The following CPS1 variants were observed in gnomAD, a reference collection of about 807,000 sequenced individuals.
The protein encoded by CPS1 is carbamoyl-phosphate synthase [ammonia], mitochondrial.
A neutral mutation model predicts 174.6 loss-of-function variants in CPS1; 109 were observed. The ratio of observed to expected loss-of-function variants is 0.62; its 90% confidence interval spans 0.53 to 0.73. The LOEUF (loss-of-function observed/expected upper bound fraction) is 0.73, where lower values mean the gene tolerates loss of function less well. CPS1 is among the 30% of genes least tolerant of loss of function. The pLI, the probability that CPS1 is intolerant of heterozygous loss-of-function variation, is 0.00. For missense variants in CPS1, 1,689 were observed against 1,821.9 expected (o/e 0.93, Z 1.33); for synonymous variants, 637 against 632.0 (o/e 1.01, Z -0.12).
chr2:210,635,111 C>T (rs1700004175), intron 21 of CPS1, among the ~76,000 whole-genome samples: 1 of 151,922 alleles, frequency 6.6e-6, no homozygotes, highest in South Asian at 2.1e-4. Context: ...GCCCAGCTAG[C>T]TTTTTGTATT....
chr2:210,540,247 C>G (rs192786151), intron 1 of CPS1, among the ~76,000 whole-genome samples: 21 of 152,150 alleles, frequency 1.4e-4, no homozygotes, highest in Admixed American at 3.9e-4. Flanking sequence ...TTTTCTTTCT[C>G]TTTGCCTTCC....
In CPS1 at chr2:210,612,178, C is replaced by T. The variant is rs138718997; in HGVS notation, c.2453C>T (p.Pro818Leu). Reference protein sequence around the residue: ...SFQKALRMCHPSIEGFTPRLP... With the variant: ...SFQKALRMCHLSIEGFTPRLP... ...CAGAAAGCTTTACGGATGTGCCACC[C>T]ATCTATAGAAGGTTTCACTCCCCGT... Residue 818 changes from proline (P) to leucine (L), a missense_variant, in exon 20 of 38, where the codon CCA becomes CTA. Coordinates refer to ENST00000233072, the MANE Select transcript of CPS1 (RefSeq NM_001875.5). 1.1e-5 allele frequency: 17 copies of T among 1,612,056 alleles called. No homozygotes were observed. In the African/African-American group the frequency reaches 2.3e-4, roughly 22 times the overall value.
At chr2:210,551,769 G>A (rs1008325382), upstream of CPS1, among the ~76,000 whole-genome samples, 2 of 151,880 alleles carry the variant, frequency 1.3e-5, no homozygotes, top group Admixed American at 1.3e-4. Flanking sequence ...ATGCCAATTG[G>A]ATCTTAATGA....
chr2:210,575,728 T>G (rs555022231), intron 2 of CPS1, among the ~76,000 whole-genome samples: 1 of 152,116 alleles, frequency 6.6e-6, no homozygotes, highest in Admixed American at 6.6e-5. Flanking sequence ...CAAACTTATA[T>G]GCTTCTTTCT....
intron 1 of CPS1, among the ~76,000 whole-genome samples, chr2:210,480,126 T>A (rs868150870): frequency 6.6e-6 from 1 of 152,306 alleles, no homozygotes; most frequent in South Asian, 2.1e-4. Context: ...GATCACAGAT[T>A]CCTTCCATCT....
At chr2:210,497,381 AT>A (rs1009073694) in intron 1 of CPS1, among the ~76,000 whole-genome samples, 20 of 152,210 alleles carry the variant, frequency 1.3e-4, no homozygotes, top group African/African-American at 4.8e-4. Context: ...CTTTATTTTT[AT>A]TTAATTTTTT....
Position 210,677,067 on chromosome 2 carries a change from T to C in CPS1, c.4335T>C (p.Phe1445=), listed in dbSNP as rs775733929. The C allele has an allele frequency of 6.2e-7, 1 of 1,613,588 alleles. No individual in the cohort carries two copies. The highest frequency in any genetic ancestry group is 1.1e-5 in the South Asian group (1 of 91,064). The change falls in exon 37 of 38, where the codon TTT becomes TTC. Residue 1445 remains phenylalanine (F), a synonymous_variant. Transcript: ENST00000233072. Reference sequence around the variant, plus strand: ...ACCTTCCCAACAACAACACTAAATTTGTCCATGATAATTATGTGATTCGGA... The same window carrying C: ...ACCTTCCCAACAACAACACTAAATTCGTCCATGATAATTATGTGATTCGGA... ...VINLPNNNTK[F]VHDNYVIRRT...
chr2:210,574,887 T>G (rs560687889), intron 2 of CPS1, among the ~76,000 whole-genome samples: 1 of 152,120 alleles, frequency 6.6e-6, no homozygotes, highest in East Asian at 1.9e-4. Flanking sequence ...TTTTTTTTGA[T>G]GTAGGAAAAG....
At chr2:210,580,001 C>G (rs1366592817) in intron 5 of CPS1, among the ~76,000 whole-genome samples, 1 of 152,118 alleles carries the variant, frequency 6.6e-6, no homozygotes, top group Admixed American at 6.6e-5. Flanking sequence ...GATTCATTCA[C>G]CTGGCAGCTT....
chr2:210,640,970 A>C (rs1199590214), intron 24 of CPS1, among the ~76,000 whole-genome samples: 1 of 152,190 alleles, frequency 6.6e-6, no homozygotes, highest in South Asian at 2.1e-4. Context: ...GTCCAAAATC[A>C]AGTGCCAGGA....
chr2:210,492,141 A>G (rs899663553), intron 1 of CPS1, among the ~76,000 whole-genome samples: 9 of 152,232 alleles, frequency 5.9e-5, no homozygotes, highest in Non-Finnish European at 1.3e-4. Flanking sequence ...GTGCAATACC[A>G]TGTTATCATT....
intron 1 of CPS1, among the ~76,000 whole-genome samples, chr2:210,550,837 A>G (rs2106026307): frequency 6.6e-6 from 1 of 151,938 alleles, no homozygotes; most frequent in South Asian, 2.1e-4. Flanking sequence ...TTTTACTTTC[A>G]GGAAGATTGA....
intron 1 of CPS1, among the ~76,000 whole-genome samples, chr2:210,544,894 A>G (rs765515765): frequency 2.6e-5 from 4 of 152,038 alleles, no homozygotes; most frequent in Non-Finnish European, 2.9e-5. Context: ...TGAAGTGCCT[A>G]GTACATTTTT....
In CPS1 at chr2:210,520,165, G is replaced by A. The variant is rs146857299; in HGVS notation, c.4-36554G>A. Reference sequence around the variant, plus strand: ...ATATAAAACACATATATTTTAGAAAGTTTATTAATGTATAATTGACATCCA... The same window carrying A: ...ATATAAAACACATATATTTTAGAAAATTTATTAATGTATAATTGACATCCA... On this transcript the variant is annotated intron_variant, in intron 1 of 38. Transcript: ENST00000430249. Among the ~76,000 whole-genome samples, 8 of 152,040 alleles carry A rather than the reference G, an allele frequency of 5.3e-5. No individual in the cohort carries two copies. In the East Asian group the frequency reaches 1.4e-3, roughly 26 times the overall value.
At chr2:210,486,795 C>G (rs892351360) in intron 1 of CPS1, among the ~76,000 whole-genome samples, 1 of 152,178 alleles carries the variant, frequency 6.6e-6, no homozygotes, top group African/African-American at 2.4e-5. Context: ...TAAGTGTGAG[C>G]CACTGCGCCC....
intron 1 of CPS1, among the ~76,000 whole-genome samples, chr2:210,545,376 C>T (rs577711577): frequency 1.3e-5 from 2 of 151,958 alleles, no homozygotes; most frequent in South Asian, 2.1e-4. Flanking sequence ...GTTTTAAACC[C>T]GTGTAACTTT....
chr2:210,671,074 TA>T (rs1701285199), intron 34 of CPS1, among the ~76,000 whole-genome samples: 1 of 152,194 alleles, frequency 6.6e-6, no homozygotes, highest in Non-Finnish European at 1.5e-5. Context: ...GATTTATTTT[TA>T]GTTGCTGTGA....
chr2:210,676,180 A>G (rs922882428), intron 36 of CPS1, among the ~76,000 whole-genome samples: 9 of 152,214 alleles, frequency 5.9e-5, no homozygotes, highest in African/African-American at 2.2e-4. Flanking sequence ...GACCAGCTAT[A>G]TTTCACTAAG....
chr2:210,535,259 G>T (rs1396939537), intron 1 of CPS1, among the ~76,000 whole-genome samples: 2 of 152,156 alleles, frequency 1.3e-5, no homozygotes, highest in Non-Finnish European at 2.9e-5. Flanking sequence ...TGAGTGAGGG[G>T]TTTTCCCAAG....
Sources: gnomAD v4.1 joint callset for allele counts (sites outside exome capture counted in the v4.1 genomes callset) on GRCh38, gnomAD v4.1.1 for gene constraint, MANE v1.5 for transcripts, NCBI Gene and HGNC (gene_info 2026-07-23, HGNC 2026-07-21) for gene names.